The following METTL15 variants were observed in gnomAD, a reference collection of about 807,000 sequenced individuals.
METTL15 encodes the protein methyltransferase 15, mitochondrial 12S rRNA N4-cytidine, also known as 12S rRNA N(4)-cytidine methyltransferase METTL15.
A neutral mutation model predicts 38.3 loss-of-function variants in METTL15; 34 were observed. The ratio of observed to expected loss-of-function variants is 0.89; its 90% CI spans 0.68 to 1.18. The LOEUF is 1.18. Among genes scored for constraint, METTL15 ranks in the 50% most tolerant of loss-of-function variants. METTL15 has a pLI of 0.00. For missense variants in METTL15, 438 were observed against 498.4 expected (o/e 0.88, Z 1.15); for synonymous variants, 162 against 170.9 (o/e 0.95, Z 0.41).
At chr11:28,241,940 T>TATTCTAA (rs1032748714) in intron 4 of METTL15, among the ~76,000 whole-genome samples, 4 of 152,178 alleles carry the variant, frequency 2.6e-5, no homozygotes, top group Non-Finnish European at 4.4e-5. Context: ...CTAAGTGAAA[T>TATTCTAA]GGGAAATCAT....
chr11:28,117,453 A>G (rs1004368607), intron 3 of METTL15, among the ~76,000 whole-genome samples: 2 of 152,036 alleles, frequency 1.3e-5, no homozygotes, highest in African/African-American at 4.8e-5. Flanking sequence ...GAGTAGAAAA[A>G]CAAACAAAAA....
intron 6 of METTL15, among the ~76,000 whole-genome samples, chr11:28,451,313 C>T (rs1056098412): frequency 3.9e-5 from 6 of 152,102 alleles, no homozygotes; most frequent in Non-Finnish European, 7.4e-5. Context: ...AGGCAGGGCT[C>T]GGTGGTTCAT....
chr11:28,369,379 G>A (rs1247912100), intron 5 of METTL15, among the ~76,000 whole-genome samples: 1 of 152,032 alleles, frequency 6.6e-6, no homozygotes, highest in Non-Finnish European at 1.5e-5. Context: ...GTGAGCTTAT[G>A]TGAGGAAATA....
chr11:28,241,342 G>T (rs768753470), intron 4 of METTL15, among the ~76,000 whole-genome samples: 8 of 152,010 alleles, frequency 5.3e-5, no homozygotes, highest in African/African-American at 1.7e-4. Context: ...GACCATCCTG[G>T]CTAATAAGGT....
At chr11:28,189,570 A>G (rs1348850769) in intron 3 of METTL15, among the ~76,000 whole-genome samples, 5 of 151,290 alleles carry the variant, frequency 3.3e-5, no homozygotes, top group Non-Finnish European at 5.9e-5. Flanking sequence ...CAGAATCTCA[A>G]TTAACCATGG....
At chr11:28,422,959 TA>T (rs1444046009) in intron 5 of METTL15, among the ~76,000 whole-genome samples, 1 of 151,874 alleles carries the variant, frequency 6.6e-6, no homozygotes. Flanking sequence ...AACAAGGGGT[TA>T]AAAAATGGAG....
chr11:28,371,426 A>T (rs1392427277), intron 5 of METTL15, among the ~76,000 whole-genome samples: 1 of 152,012 alleles, frequency 6.6e-6, no homozygotes, highest in Non-Finnish European at 1.5e-5. Context: ...TTTGTTTACC[A>T]TAGCTTTGTA....
chr11:28,351,745 A>G (rs1021165875), intron 3 of METTL15, among the ~76,000 whole-genome samples: 2 of 152,238 alleles, frequency 1.3e-5, no homozygotes, highest in African/African-American at 4.8e-5. Context: ...TAATGATGAA[A>G]TAAGGTGTGG....
At chr11:28,243,141 G>A (rs1854370414) in intron 4 of METTL15, among the ~76,000 whole-genome samples, 1 of 151,690 alleles carries the variant, frequency 6.6e-6, no homozygotes, top group African/African-American at 2.4e-5. Flanking sequence ...CATTCTAGAG[G>A]GACTTTTAGA....
At chr11:28,434,839 A>G (rs1590373815) in intron 6 of METTL15, among the ~76,000 whole-genome samples, 1 of 151,986 alleles carries the variant, frequency 6.6e-6, no homozygotes, top group South Asian at 2.1e-4. Flanking sequence ...AGCTAGAACA[A>G]CTTGGCTCTC....
chr11:28,203,499 A>G (rs1183221444), intron 3 of METTL15, among the ~76,000 whole-genome samples: 2 of 152,102 alleles, frequency 1.3e-5, no homozygotes, highest in Non-Finnish European at 2.9e-5. Context: ...AACTTTTTGA[A>G]GAAACAATTG....
intron 3 of METTL15, among the ~76,000 whole-genome samples, chr11:28,350,081 T>C (rs543688295): frequency 2.0e-5 from 3 of 152,270 alleles, no homozygotes; most frequent in Admixed American, 6.5e-5. Flanking sequence ...CTCTACTCTT[T>C]CCATATATAC....
chr11:28,442,006 A>T (rs550369414), intron 6 of METTL15, among the ~76,000 whole-genome samples: 1 of 152,204 alleles, frequency 6.6e-6, no homozygotes, highest in Non-Finnish European at 1.5e-5. Flanking sequence ...GGAAGAAGAG[A>T]TTTAAATTGT....
chr11:28,363,827 A>G (rs1208867104), intron 5 of METTL15, among the ~76,000 whole-genome samples: 1 of 152,196 alleles, frequency 6.6e-6, no homozygotes, highest in Non-Finnish European at 1.5e-5. Flanking sequence ...TTTTAGATTT[A>G]AAGCTTTAAT....
intron 6 of METTL15, among the ~76,000 whole-genome samples, chr11:28,468,975 C>T (rs1487266772): frequency 6.6e-6 from 1 of 152,094 alleles, no homozygotes; most frequent in African/African-American, 2.4e-5. Context: ...GTGCTTTGTA[C>T]ACATAATGTA....
intron 5 of METTL15, among the ~76,000 whole-genome samples, chr11:28,408,779 CAT>C (rs1175252149): frequency 2.8e-4 from 42 of 152,252 alleles, no homozygotes; most frequent in African/African-American, 6.0e-4. Flanking sequence ...CACACACACA[CAT>C]GTACATATAT....
rs552959654 is a variant in METTL15, at chr11:28,242,158, TAGA to T, written c.407+30966_407+30968del. On this transcript the variant is annotated intron_variant, in intron 4 of 6. Transcript: ENST00000407364. ...CAGAATCAGGTATTTGGTATTTGTATAGAAGAAGTATACATATGTTTGCATCTT... is the reference window on the plus strand; with the variant it reads ...CAGAATCAGGTATTTGGTATTTGTATAGAAGTATACATATGTTTGCATCTT... Among the ~76,000 whole-genome samples, 512 of 152,354 alleles carry T rather than the reference TAGA, an allele frequency of 3.4e-3. 6 individuals carry two copies. Among genetic ancestry groups the T allele is most frequent in the African/African-American group, 0.012 (493 of 41,596 alleles).
chr11:28,204,398 T>C (rs10835286), intron 3 of METTL15, among the ~76,000 whole-genome samples: 68,152 of 148,334 alleles, frequency 0.46, 17,236 homozygotes, highest in Admixed American at 0.55. Context: ...AATAGGATCT[T>C]AATCAAGTCA....
intron 6 of METTL15, among the ~76,000 whole-genome samples, chr11:28,487,976 T>C (rs1356846512): frequency 6.6e-6 from 1 of 152,126 alleles, no homozygotes; most frequent in African/African-American, 2.4e-5. Flanking sequence ...AATAGAGAAT[T>C]GTAGCTAGCA....
Sources: gnomAD v4.1 joint callset for allele counts (sites outside exome capture counted in the v4.1 genomes callset) on GRCh38, gnomAD v4.1.1 for gene constraint, MANE v1.5 for transcripts, NCBI Gene and HGNC (gene_info 2026-07-23, HGNC 2026-07-21) for gene names.